GPC3: variants seen among roughly 807,000 people sequenced by gnomAD.
The protein encoded by GPC3 is glypican-3.
Under a neutral mutation model 34.4 loss-of-function variants are expected in GPC3, and 3 were observed. The ratio of observed to expected loss-of-function variants is 0.09; its 90% CI spans 0.04 to 0.23. GPC3 has a LOEUF of 0.23. Among genes scored for constraint, GPC3 ranks in the 10% least tolerant of loss-of-function variants. GPC3 has a pLI of 1.00. For synonymous variants in GPC3, 177 were observed against 174.0 expected (o/e 1.02, Z -0.13); for missense variants, 351 against 445.6 (o/e 0.79, Z 1.91).
Position 133,661,791 on chromosome X carries a change from T to A in GPC3, c.1352A>T (p.Lys451Ile). The A allele has an allele frequency of 8.3e-7, 1 of 1,201,610 alleles. No individual in the cohort carries two copies. Among genetic ancestry groups the A allele is most frequent in the Non-Finnish European group, 1.1e-6 (1 of 887,233 alleles). ...GACCACTGGCTCAGGGCCCTTCATT[T>A]TCAGCTCATGGAGATTGAACTGGTT... is the stretch of plus-strand genomic sequence containing the variant. ...MKNQFNLHEL[K>I]MKGPEPVVSQ... The change falls in exon 6 of 8, where the codon AAA becomes ATA. Residue 451 changes from lysine (K) to isoleucine (I), a missense_variant. Transcript: ENST00000370818.
At chrX:133,636,909 G>A (rs958053072) in intron 6 of GPC3, among the ~76,000 whole-genome samples, 2 of 110,388 alleles carry the variant, frequency 1.8e-5, no homozygotes, top group Non-Finnish European at 3.8e-5. Context: ...GCATTATTTG[G>A]GGGTGATTTA....
At chrX:133,553,008 AG>A (rs1344933616) in intron 7 of GPC3, among the ~76,000 whole-genome samples, 1 of 112,221 alleles carries the variant, frequency 8.9e-6, no homozygotes, top group Non-Finnish European at 1.9e-5. Context: ...AAAGAGTGGC[AG>A]CCAGATCACT....
At chrX:133,763,180 G>A in intron 2 of GPC3, 1 of 685,481 alleles carries the variant, frequency 1.5e-6, no homozygotes, top group Non-Finnish European at 2.3e-6. Context: ...TGACCCCAGG[G>A]CTGACCACCA....
chrX:133,727,018 G>A (rs2071415330), intron 3 of GPC3, among the ~76,000 whole-genome samples: 1 of 111,907 alleles, frequency 8.9e-6, no homozygotes, highest in Admixed American at 9.4e-5. Flanking sequence ...AAAGGGAAAG[G>A]CAATAAGGGA....
intron 2 of GPC3, among the ~76,000 whole-genome samples, chrX:133,785,227 T>C (rs1346637173): frequency 9.0e-6 from 1 of 111,391 alleles, no homozygotes; most frequent in Non-Finnish European, 1.9e-5. Context: ...TCTTCTTTGC[T>C]GTTTGTCAGA....
intron 7 of GPC3, among the ~76,000 whole-genome samples, chrX:133,566,459 C>A (rs2069583950): frequency 9.0e-6 from 1 of 111,064 alleles, no homozygotes; most frequent in Non-Finnish European, 1.9e-5. Flanking sequence ...TTTGGCTTTT[C>A]TTTTCTTTTT....
chrX:133,690,878 A>G (rs754521567), intron 5 of GPC3, among the ~76,000 whole-genome samples: 1 of 111,723 alleles, frequency 9.0e-6, no homozygotes, highest in South Asian at 3.8e-4. Context: ...ATTCTCCTCT[A>G]TAACATGCTA....
At chrX:133,718,293 G>T in intron 3 of GPC3, among the ~76,000 whole-genome samples, 1 of 111,884 alleles carries the variant, frequency 8.9e-6, no homozygotes. Context: ...AGCACAAGAA[G>T]GGGGAAGGGA....
At chrX:133,944,279 A>G (rs2124629884) in intron 2 of GPC3, among the ~76,000 whole-genome samples, 1 of 112,061 alleles carries the variant, frequency 8.9e-6, no homozygotes, top group South Asian at 3.8e-4. Flanking sequence ...TGAGTGCTAG[A>G]AAGGAAAAGC....
chrX:133,597,275 G>A (rs968168390), intron 6 of GPC3, among the ~76,000 whole-genome samples: 1 of 111,572 alleles, frequency 9.0e-6, no homozygotes, highest in Non-Finnish European at 1.9e-5. Context: ...AATGCATTAC[G>A]AATTTCACGG....
intron 3 of GPC3, chrX:133,704,276 TGA>T: frequency 9.7e-7 from 1 of 1,035,161 alleles, no homozygotes; most frequent in Non-Finnish European, 1.3e-6. Context: ...TCAGTTTCCT[TGA>T]AAAAAAAAAA....
chrX:133,621,283 G>A lies in GPC3; in HGVS notation c.1414-24684C>T, dbSNP rs192130776. 8.6e-4 allele frequency among the ~76,000 whole-genome samples: 96 copies of A among 111,681 alleles called. No homozygotes were observed. The East Asian group carries it at 0.015, about 18-fold the overall frequency. On this transcript the variant is annotated intron_variant, in intron 6 of 7. Coordinates refer to ENST00000370818, the MANE Select transcript of GPC3 (RefSeq NM_004484.4). ...TTTCTGCATTTCCAACTGAGGTACC[G>A]GGTTCATCTCACTGGGGCTTTTCGG...
chrX:133,864,978 T>C (rs971439865), intron 2 of GPC3, among the ~76,000 whole-genome samples: 9 of 112,567 alleles, frequency 8.0e-5, no homozygotes, highest in African/African-American at 2.9e-4. Flanking sequence ...ATTTAAAATG[T>C]GAGGCATGCA....
At chrX:133,799,675 T>C (rs2075599491) in intron 2 of GPC3, among the ~76,000 whole-genome samples, 1 of 111,709 alleles carries the variant, frequency 9.0e-6, no homozygotes, top group East Asian at 2.8e-4. Flanking sequence ...AAGCTACAGT[T>C]TAGGCATTCC....
chrX:133,863,109 C>T (rs894706967), intron 2 of GPC3, among the ~76,000 whole-genome samples: 1 of 112,388 alleles, frequency 8.9e-6, no homozygotes, highest in Admixed American at 9.4e-5. Flanking sequence ...AAACAATAAG[C>T]AAAGCTGGGT....
intron 2 of GPC3, among the ~76,000 whole-genome samples, chrX:133,927,799 T>C (rs901864063): frequency 9.2e-6 from 1 of 109,031 alleles, no homozygotes; most frequent in African/African-American, 3.3e-5. Context: ...TTACTCTCTA[T>C]ATTTCTTTTA....
rs183990383 is a variant in GPC3 at position 133,732,950 on chromosome X, G to A, written c.1032+20532C>T. Reference sequence around the variant, plus strand: ...GGCACAATCGGCTCACTGCAGCCTCGACCCCCCAGCCTCAAGTGATACTCC... The same window carrying A: ...GGCACAATCGGCTCACTGCAGCCTCAACCCCCCAGCCTCAAGTGATACTCC... On this transcript the variant is annotated intron_variant, in intron 3 of 7. Transcript: ENST00000370818. Among the ~76,000 whole-genome samples, 45 of 110,374 alleles carry A rather than the reference G, an allele frequency of 4.1e-4. 1 individual carries two copies. In the East Asian group the frequency reaches 0.011, roughly 27 times the overall value.
chrX:133,805,220 G>T (rs916969179), intron 2 of GPC3, among the ~76,000 whole-genome samples: 1 of 112,166 alleles, frequency 8.9e-6, no homozygotes, highest in Non-Finnish European at 1.9e-5. Flanking sequence ...CAAACAGAAA[G>T]TTATGGCAAT....
chrX:133,580,853 C>T (rs764187747), intron 7 of GPC3, among the ~76,000 whole-genome samples: 2 of 112,052 alleles, frequency 1.8e-5, no homozygotes, highest in South Asian at 7.5e-4. Context: ...ATGTTGCCTC[C>T]CTGCACAAAC....
Sources: allele counts gnomAD v4.1 joint callset (sites outside exome capture counted in the v4.1 genomes callset), GRCh38; gene constraint gnomAD v4.1.1; transcripts MANE v1.5; gene names NCBI Gene and HGNC (gene_info 2026-07-23, HGNC 2026-07-21).